The following MAF variants were observed in gnomAD, a reference collection of about 807,000 sequenced individuals.
The protein encoded by MAF is MAF bZIP transcription factor.
In MAF, 10 loss-of-function variants were observed where a neutral mutation model predicts 22.0. The observed-to-expected ratio is 0.45, with a 90% CI of 0.28 to 0.77. MAF has a LOEUF of 0.77. Ranked by LOEUF, MAF falls within the 30% of genes least tolerant of loss-of-function variation. MAF has a pLI of 0.12. For missense variants in MAF, 544 were observed against 548.4 expected, an observed-to-expected ratio of 0.99 and a Z score of 0.08; for synonymous variants, 337 against 255.8, an observed-to-expected ratio of 1.32 and a Z score of -3.03.
chr16:79,367,331 T>C, the MAF span, among the ~76,000 whole-genome samples: 2 of 152,290 alleles, frequency 1.3e-5, no homozygotes, highest in African/African-American at 4.8e-5. Context: ...CTGGTTGAAG[T>C]CACAGGGGAA....
intron 1 of MAF, chr16:79,598,008 G>C: frequency 9.8e-7 from 1 of 1,018,938 alleles, no homozygotes; most frequent in Non-Finnish European, 1.2e-6. Context: ...GATTGTGGAA[G>C]GTTCATGAGG....
chr16:79,452,762 C>G, the MAF span, among the ~76,000 whole-genome samples: 14 of 152,218 alleles, frequency 9.2e-5, no homozygotes, highest in East Asian at 2.7e-3. Flanking sequence ...ACTTCCAGAC[C>G]TGGTCCATAA....
the MAF span, among the ~76,000 whole-genome samples, chr16:79,344,536 C>CT: frequency 2.0e-5 from 3 of 152,190 alleles, no homozygotes; most frequent in African/African-American, 7.2e-5. Flanking sequence ...ACTGCCTGAA[C>CT]TAAAGATAGA....
chr16:79,589,923 C>A (rs1913089079), downstream of MAF, among the ~76,000 whole-genome samples: 1 of 152,172 alleles, frequency 6.6e-6, no homozygotes, highest in South Asian at 2.1e-4. Context: ...CTGAGCGCAC[C>A]GGCTCCCTGG....
the MAF span, among the ~76,000 whole-genome samples, chr16:79,216,558 G>C: frequency 6.6e-6 from 1 of 152,142 alleles, no homozygotes; most frequent in Admixed American, 6.5e-5. Context: ...ATCAGGCTAA[G>C]TGTTAAATGG....
chr16:79,231,212 G>A, the MAF span, among the ~76,000 whole-genome samples: 2 of 151,970 alleles, frequency 1.3e-5, no homozygotes, highest in Non-Finnish European at 2.9e-5. Flanking sequence ...GGGCTCTTAT[G>A]GGACAGGATA....
chr16:79,289,644 G>C, the MAF span, among the ~76,000 whole-genome samples: 1 of 152,102 alleles, frequency 6.6e-6, no homozygotes, highest in Admixed American at 6.6e-5. Flanking sequence ...TATCATGACA[G>C]CTTTGCAAAG....
the MAF span, among the ~76,000 whole-genome samples, chr16:79,299,016 T>C: frequency 6.6e-6 from 1 of 152,248 alleles, no homozygotes. Flanking sequence ...GGAATCCTTC[T>C]TTGGGCACCT....
the MAF span, among the ~76,000 whole-genome samples, chr16:79,302,971 C>T: frequency 6.6e-6 from 1 of 152,232 alleles, no homozygotes; most frequent in Non-Finnish European, 1.5e-5. Flanking sequence ...AGCCTAATGA[C>T]CCATTTTACT....
At chr16:79,538,874 AG>A in the MAF span, among the ~76,000 whole-genome samples, 19 of 35,084 alleles carry the variant, frequency 5.4e-4, no homozygotes, top group Non-Finnish European at 1.1e-4. Flanking sequence ...AGAAAAGAAA[AG>A]AAAGAAAGAA....
chr16:79,591,916 A>C (rs1913211337), downstream of MAF, among the ~76,000 whole-genome samples: 2 of 152,124 alleles, frequency 1.3e-5, no homozygotes, highest in Non-Finnish European at 2.9e-5. Context: ...AAATCTCTCC[A>C]TTTGGGTTTA....
At chr16:79,497,363 C>G in the MAF span, among the ~76,000 whole-genome samples, 1 of 152,176 alleles carries the variant, frequency 6.6e-6, no homozygotes, top group Non-Finnish European at 1.5e-5. Context: ...GTATGCCCCT[C>G]AACTCTCCTC....
the MAF span, among the ~76,000 whole-genome samples, chr16:79,449,398 C>A: frequency 1.3e-5 from 2 of 152,164 alleles, no homozygotes; most frequent in South Asian, 2.1e-4. Context: ...CACTTAATTA[C>A]TGTATTTGCT....
the MAF span, among the ~76,000 whole-genome samples, chr16:79,228,949 G>A: frequency 6.6e-6 from 1 of 151,790 alleles, no homozygotes; most frequent in African/African-American, 2.4e-5. Context: ...GGCACGGTGG[G>A]GAATGAGGGG....
the MAF span, among the ~76,000 whole-genome samples, chr16:79,363,764 A>T: frequency 1.3e-5 from 2 of 152,154 alleles, no homozygotes; most frequent in Non-Finnish European, 2.9e-5. Flanking sequence ...AAAATAGGAG[A>T]CTTGGTAAGA....
At chr16:79,552,402 T>C in the MAF span, among the ~76,000 whole-genome samples, 1 of 152,142 alleles carries the variant, frequency 6.6e-6, no homozygotes, top group Non-Finnish European at 1.5e-5. Context: ...AGAGATGAGA[T>C]CTTGCTATAT....
chr16:79,398,089 G>A, the MAF span, among the ~76,000 whole-genome samples: 3 of 152,182 alleles, frequency 2.0e-5, no homozygotes, highest in Non-Finnish European at 2.9e-5. Context: ...TGGGGAATGT[G>A]CTTCCCTGCC....
At chr16:79,307,089 C>T in the MAF span, among the ~76,000 whole-genome samples, 25 of 152,192 alleles carry the variant, frequency 1.6e-4, no homozygotes, top group African/African-American at 4.3e-4. Flanking sequence ...AAAACCTGAC[C>T]TTCTTTTTCC....
At chr16:79,217,775 A>C in the MAF span, among the ~76,000 whole-genome samples, 1 of 152,120 alleles carries the variant, frequency 6.6e-6, no homozygotes, top group Non-Finnish European at 1.5e-5. Flanking sequence ...TATCAATAGG[A>C]AACAAGAAAT....
Sources: allele counts gnomAD v4.1 joint callset (sites outside exome capture counted in the v4.1 genomes callset), GRCh38; gene constraint gnomAD v4.1.1; transcripts MANE v1.5; gene names NCBI Gene and HGNC (gene_info 2026-07-23, HGNC 2026-07-21).